The following RNLS variants were observed in gnomAD, a reference collection of about 807,000 sequenced individuals.
RNLS encodes renalase, FAD dependent amine oxidase, also known as renalase.
RNLS carries 39 observed loss-of-function variants against 39.8 expected under a neutral mutation model. The observed-to-expected ratio is 0.98, with a 90% CI of 0.76 to 1.28. The LOEUF (loss-of-function observed/expected upper bound fraction) is 1.28, where lower values mean the gene tolerates loss of function less well. Among genes scored for constraint, RNLS ranks in the 50% most tolerant of loss-of-function variants. The pLI, the probability that RNLS is intolerant of heterozygous loss-of-function variation, is 0.00. For synonymous variants in RNLS, 147 were observed against 150.7 expected (o/e 0.98, Z 0.18); for missense variants, 410 against 413.3 (o/e 0.99, Z 0.07).
chr10:88,246,128 G>C, the RNLS span, among the ~76,000 whole-genome samples: 2 of 152,114 alleles, frequency 1.3e-5, no homozygotes, highest in Non-Finnish European at 2.9e-5. Flanking sequence ...TGGATATTCC[G>C]GGACTTCAGG....
At chr10:88,328,633 AT>A (rs1846833049) in intron 5 of RNLS, among the ~76,000 whole-genome samples, 1 of 152,222 alleles carries the variant, frequency 6.6e-6, no homozygotes, top group African/African-American at 2.4e-5. Flanking sequence ...ATACTGATAT[AT>A]TTAAGCATAC....
At chr10:88,474,469 C>T (rs1843698783) in intron 4 of RNLS, among the ~76,000 whole-genome samples, 1 of 152,176 alleles carries the variant, frequency 6.6e-6, no homozygotes, top group South Asian at 2.1e-4. Context: ...AGTATTCCCA[C>T]AACCAAATAC....
intron 4 of RNLS, among the ~76,000 whole-genome samples, chr10:88,438,464 T>C (rs1589793153): frequency 6.6e-6 from 1 of 152,206 alleles, no homozygotes; most frequent in South Asian, 2.1e-4. Context: ...TACCTACAGA[T>C]CATTTGTCAT....
At chr10:88,319,285 C>T (rs1189616584) in intron 5 of RNLS, among the ~76,000 whole-genome samples, 1 of 151,900 alleles carries the variant, frequency 6.6e-6, no homozygotes, top group Non-Finnish European at 1.5e-5. Context: ...AAAGTCCTAT[C>T]AAAAGGACAG....
intron 4 of RNLS, among the ~76,000 whole-genome samples, chr10:88,394,792 C>T (rs1458506689): frequency 6.6e-6 from 1 of 152,144 alleles, no homozygotes. Flanking sequence ...TTGGAACCAA[C>T]CTAAATGTCC....
At chr10:88,287,422 A>G (rs1843347312) in intron 6 of RNLS, among the ~76,000 whole-genome samples, 1 of 152,116 alleles carries the variant, frequency 6.6e-6, no homozygotes, top group Admixed American at 6.6e-5. Context: ...AGAGCTTTTA[A>G]CCTGCTTTAG....
chr10:88,270,829 C>T (rs530328681), downstream of RNLS, among the ~76,000 whole-genome samples: 18 of 152,196 alleles, frequency 1.2e-4, 1 homozygote, highest in South Asian at 3.3e-3. Context: ...TTTCTGGGTA[C>T]GTTTATTTGG....
Position 88,517,693 on chromosome 10 carries a change from G to A in RNLS, c.526+55210C>T, listed in dbSNP as rs975998019. Among the ~76,000 whole-genome samples the A allele has an allele frequency of 2.6e-4, 39 of 151,668 alleles. 1 individual carries two copies. Among genetic ancestry groups the A allele is most frequent in the Admixed American group, 2.1e-3 (32 of 15,206 alleles). On this transcript the variant is annotated intron_variant, in intron 4 of 6. Coordinates refer to ENST00000331772, the MANE Select transcript of RNLS (RefSeq NM_001031709.3). ...ACTATTCAGTTAAAGAAATTTCTTC[G>A]AAACTTCTCATAAACACAAATGCCT...
At chr10:88,534,639 A>G (rs1847636559) in intron 4 of RNLS, among the ~76,000 whole-genome samples, 2 of 152,114 alleles carry the variant, frequency 1.3e-5, no homozygotes, top group African/African-American at 4.8e-5. Flanking sequence ...GGCTGTGTTG[A>G]GAATTACACA....
At chr10:88,289,589 C>T (rs1044426160) in intron 6 of RNLS, among the ~76,000 whole-genome samples, 1 of 152,082 alleles carries the variant, frequency 6.6e-6, no homozygotes, top group Non-Finnish European at 1.5e-5. Context: ...GATGTCCATG[C>T]CTGTCTCCTC....
At chr10:88,172,049 T>A in the RNLS span, among the ~76,000 whole-genome samples, 2 of 152,218 alleles carry the variant, frequency 1.3e-5, no homozygotes, top group Non-Finnish European at 2.9e-5. Flanking sequence ...AAAGGCACAC[T>A]ACATTTTCTT....
intron 4 of RNLS, among the ~76,000 whole-genome samples, chr10:88,490,306 T>C (rs1010321072): frequency 6.6e-6 from 1 of 152,218 alleles, no homozygotes; most frequent in African/African-American, 2.4e-5. Context: ...GCAAATGTAG[T>C]GTGCACTTAC....
chr10:88,378,648 AACAG>A (rs988274125), intron 4 of RNLS, among the ~76,000 whole-genome samples: 11 of 152,060 alleles, frequency 7.2e-5, no homozygotes, highest in Admixed American at 3.3e-4. Context: ...GAAGAATCTA[AACAG>A]ACAGGCCTTA....
At chr10:88,468,928 TG>T (rs1489559622) in intron 4 of RNLS, among the ~76,000 whole-genome samples, 1 of 152,164 alleles carries the variant, frequency 6.6e-6, no homozygotes, top group Admixed American at 6.6e-5. Context: ...GCCTTTGAGT[TG>T]TTAAATAAAG....
chr10:88,470,802 G>T (rs1199921140), intron 4 of RNLS, among the ~76,000 whole-genome samples: 5 of 151,944 alleles, frequency 3.3e-5, no homozygotes, highest in African/African-American at 1.2e-4. Flanking sequence ...TTTTAGTAGA[G>T]ACGGGGTTTC....
At position 88,552,484 on chromosome 10, in the gene RNLS, T is replaced by A. The variant is rs142660468; in HGVS notation, c.526+20419A>T. On this transcript the variant is annotated intron_variant, in intron 4 of 6. Coordinates refer to ENST00000331772, the MANE Select transcript of RNLS (RefSeq NM_001031709.3). ...CAATAAGCATTTGGGCAATAAGGAA[T>A]CACATTTGCTCTAAGCAAAGTGTTT... Among the ~76,000 whole-genome samples the A allele has an allele frequency of 7.0e-4, 106 of 152,318 alleles. 1 individual carries two copies. Among genetic ancestry groups the A allele is most frequent in the African/African-American group, 2.4e-3 (101 of 41,580 alleles).
intron 6 of RNLS, among the ~76,000 whole-genome samples, chr10:88,312,130 G>A (rs1845430179): frequency 6.6e-6 from 1 of 152,234 alleles, no homozygotes; most frequent in African/African-American, 2.4e-5. Context: ...TCAATGGAAA[G>A]GAAGATTTTA....
rs772272529 is a variant in RNLS, at chr10:88,524,960, C to CATATAT, written c.526+47937_526+47942dup. On this transcript the variant is annotated intron_variant, in intron 4 of 6. Transcript: ENST00000331772. Reference sequence around the variant, plus strand: ...TATATATATATATGGCACACACATACATATATATATATATATATATATATA... The same window carrying CATATAT: ...TATATATATATATGGCACACACATACATATATATATATATATATATATATATATATA... Among the ~76,000 whole-genome samples the CATATAT allele has an allele frequency of 5.3e-3, 472 of 88,734 alleles. 4 individuals are homozygous for CATATAT. Among genetic ancestry groups the CATATAT allele is most frequent in the Non-Finnish European group, 7.2e-3 (331 of 46,038 alleles). The allele number at this position is 88,734 out of a possible 152,430, so 58.2% of individuals were successfully genotyped here. A position where few individuals can be genotyped will look rare whatever the true frequency, so the allele number is the denominator to read the frequency against.
chr10:88,531,447 T>G (rs552628449), intron 4 of RNLS, among the ~76,000 whole-genome samples: 3 of 152,132 alleles, frequency 2.0e-5, no homozygotes, highest in Non-Finnish European at 2.9e-5. Context: ...TACATTACGA[T>G]TCCACTTAGT....
Sources: allele counts gnomAD v4.1 joint callset (sites outside exome capture counted in the v4.1 genomes callset), GRCh38; gene constraint gnomAD v4.1.1; transcripts MANE v1.5; gene names NCBI Gene and HGNC (gene_info 2026-07-23, HGNC 2026-07-21).